PDE4D: variants seen among roughly 807,000 people sequenced by gnomAD.
PDE4D encodes 3',5'-cyclic-AMP phosphodiesterase 4D.
In PDE4D, 24 loss-of-function variants were observed where a neutral mutation model predicts 87.4. The ratio of observed to expected loss-of-function variants is 0.27; its 90% CI spans 0.20 to 0.39. The LOEUF is 0.39. Ranked by LOEUF, PDE4D falls within the 10% of genes least tolerant of loss-of-function variation. The pLI, the probability that PDE4D is intolerant of heterozygous loss-of-function variation, is 1.00. For synonymous variants in PDE4D, 384 were observed against 383.2 expected, an observed-to-expected ratio of 1.00 and a Z score of -0.02; for missense variants, 714 against 1,041.0, an observed-to-expected ratio of 0.69 and a Z score of 4.32.
At chr5:59,164,727 T>C (rs1295052370) in intron 5 of PDE4D, among the ~76,000 whole-genome samples, 1 of 152,116 alleles carries the variant, frequency 6.6e-6, no homozygotes, top group African/African-American at 2.4e-5. Context: ...ATGCCTTCCT[T>C]CTGTTGGATG....
At chr5:60,046,063 C>T (rs1769198717) in intron 2 of PDE4D, among the ~76,000 whole-genome samples, 1 of 152,164 alleles carries the variant, frequency 6.6e-6, no homozygotes, top group South Asian at 2.1e-4. Context: ...TGTAGTTCTC[C>T]TTGAAGAGGT....
At position 60,023,616 on chromosome 5, in the gene PDE4D, C is replaced by T. The variant is rs143101593; in HGVS notation, c.43-34899G>A. Among the ~76,000 whole-genome samples the T allele has an allele frequency of 2.1e-3, 324 of 152,252 alleles. 5 individuals carry two copies. Among genetic ancestry groups the T allele is most frequent in the East Asian group, 1.9e-3 (10 of 5,184 alleles). The stretch of plus-strand genomic sequence containing the variant: ...TCTACTTCTACAGGTCCCCTTCTCT[C>T]CACTCCTAAAAGGGTGTTACCTGAA... On this transcript the variant is annotated intron_variant, in intron 2 of 16. Coordinates refer to the PDE4D transcript ENST00000502484.
chr5:59,574,005 AATAT>A (rs1240300945), intron 1 of PDE4D, among the ~76,000 whole-genome samples: 2 of 119,710 alleles, frequency 1.7e-5, no homozygotes, highest in East Asian at 2.2e-4. Flanking sequence ...CTCAAAAAAA[AATAT>A]ATATATATAT....
At chr5:59,205,576 T>C (rs899419024) in intron 2 of PDE4D, among the ~76,000 whole-genome samples, 1 of 151,764 alleles carries the variant, frequency 6.6e-6, no homozygotes, top group Non-Finnish European at 1.5e-5. Flanking sequence ...CAATAGAATA[T>C]TTCTGCAACA....
At chr5:59,552,668 C>A (rs1818318115) in intron 1 of PDE4D, among the ~76,000 whole-genome samples, 1 of 152,082 alleles carries the variant, frequency 6.6e-6, no homozygotes, top group Non-Finnish European at 1.5e-5. Flanking sequence ...AGTCAAATGC[C>A]ACTGTGGCAC....
chr5:60,471,729 A>G (rs1280569745), intron 1 of PDE4D, among the ~76,000 whole-genome samples: 2 of 152,208 alleles, frequency 1.3e-5, no homozygotes, highest in African/African-American at 2.4e-5. Flanking sequence ...AAATTAAGGT[A>G]TGTACTTTTT....
intron 1 of PDE4D, among the ~76,000 whole-genome samples, chr5:59,342,109 G>C (rs1010696572): frequency 6.6e-6 from 1 of 152,144 alleles, no homozygotes; most frequent in African/African-American, 2.4e-5. Flanking sequence ...TAAATGCATA[G>C]TATTCTAACA....
chr5:59,254,707 C>A (rs1382652566), intron 1 of PDE4D, among the ~76,000 whole-genome samples: 1 of 152,036 alleles, frequency 6.6e-6, no homozygotes, highest in African/African-American at 2.4e-5. Context: ...AGTAAAATTT[C>A]CCCAAGTTTA....
intron 1 of PDE4D, among the ~76,000 whole-genome samples, chr5:59,541,063 T>C (rs543217260): frequency 1.3e-5 from 2 of 152,202 alleles, no homozygotes; most frequent in Non-Finnish European, 2.9e-5. Flanking sequence ...CCCTTAATAA[T>C]GGCATCTGAA....
intron 5 of PDE4D, among the ~76,000 whole-genome samples, chr5:59,098,187 CTAAA>C (rs1183012870): frequency 1.3e-5 from 2 of 152,054 alleles, no homozygotes; most frequent in African/African-American, 2.4e-5. Context: ...TATCCAATAA[CTAAA>C]TAATTTTAGA....
intron 5 of PDE4D, among the ~76,000 whole-genome samples, chr5:59,171,129 G>A (rs561436875): frequency 1.2e-4 from 19 of 152,118 alleles, no homozygotes; most frequent in South Asian, 8.3e-4. Context: ...TGATCCACCC[G>A]CCTCAGCCTC....
chr5:60,220,521 A>T (rs770317131), intron 1 of PDE4D, among the ~76,000 whole-genome samples: 3 of 152,114 alleles, frequency 2.0e-5, no homozygotes, highest in Non-Finnish European at 2.9e-5. Flanking sequence ...AGTAAGGCCT[A>T]GATATTGGAG....
chr5:59,337,475 G>A (rs766822640), intron 1 of PDE4D, among the ~76,000 whole-genome samples: 20 of 151,688 alleles, frequency 1.3e-4, no homozygotes, highest in Non-Finnish European at 2.6e-4. Flanking sequence ...TTTTAATAAT[G>A]AAGGTCATAA....
chr5:59,318,944 C>G (rs1457092242), intron 1 of PDE4D, among the ~76,000 whole-genome samples: 1 of 151,834 alleles, frequency 6.6e-6, no homozygotes, highest in Non-Finnish European at 1.5e-5. Flanking sequence ...AAAAAAAGAC[C>G]ATAGCCCTTC....
intron 2 of PDE4D, among the ~76,000 whole-genome samples, chr5:60,069,776 A>G (rs1772511066): frequency 6.6e-6 from 1 of 152,022 alleles, no homozygotes; most frequent in African/African-American, 2.4e-5. Context: ...TTTTGGTAGT[A>G]TGGATATTTT....
chr5:60,474,057 G>A (rs1748075448), intron 1 of PDE4D, among the ~76,000 whole-genome samples: 1 of 129,616 alleles, frequency 7.7e-6, no homozygotes, highest in South Asian at 2.5e-4. Flanking sequence ...TCCCAAGGCA[G>A]GTGTTGACCT....
chr5:59,670,630 G>A (rs1418690059), intron 1 of PDE4D, among the ~76,000 whole-genome samples: 4 of 151,880 alleles, frequency 2.6e-5, no homozygotes, highest in African/African-American at 9.7e-5. Context: ...AAAATTCAAA[G>A]GTTGAAACAC....
At chr5:59,557,442 C>T (rs183747995) in intron 1 of PDE4D, among the ~76,000 whole-genome samples, 17 of 152,180 alleles carry the variant, frequency 1.1e-4, no homozygotes, top group South Asian at 6.2e-4. Context: ...CCACCCCTGC[C>T]GCCATTGCCG....
At chr5:60,032,373 T>G (rs78962376) in intron 2 of PDE4D, among the ~76,000 whole-genome samples, 10,318 of 152,284 alleles carry the variant, frequency 0.068, 459 homozygotes, top group South Asian at 0.16. Flanking sequence ...ACTTCTCTAT[T>G]GCGTTCTTAT....
Sources: allele counts gnomAD v4.1 joint callset (sites outside exome capture counted in the v4.1 genomes callset), GRCh38; gene constraint gnomAD v4.1.1; transcripts MANE v1.5; gene names NCBI Gene and HGNC (gene_info 2026-07-23, HGNC 2026-07-21).